CYP19A1: variants seen among roughly 807,000 people sequenced by gnomAD.
The protein encoded by CYP19A1 is aromatase.
Under a neutral mutation model 44.4 loss-of-function variants are expected in CYP19A1, and 32 were observed. The ratio of observed to expected loss-of-function variants is 0.72; its 90% CI spans 0.54 to 0.97. CYP19A1 has a LOEUF of 0.97. Among genes scored for constraint, CYP19A1 ranks in the 50% least tolerant of loss-of-function variants. The pLI is 0.00. For synonymous variants in CYP19A1, 212 were observed against 215.6 expected (o/e 0.98, Z 0.14); for missense variants, 598 against 637.8 (o/e 0.94, Z 0.67).
intron 1 of CYP19A1, chr15:51,312,254 A>G (rs1004187256): frequency 6.6e-6 from 1 of 152,238 alleles, no homozygotes; most frequent in Non-Finnish European, 1.5e-5. Flanking sequence ...CATGTTTTCC[A>G]GATGCTAAGG....
chr15:51,242,774 T>C lies in CYP19A1; in HGVS notation c.139A>G (p.Ile47Val). The change falls in exon 2 of 10, where the codon ATA (isoleucine) becomes GTA (valine). Residue 47 changes from isoleucine (I) to valine (V), a missense_variant. Transcript: ENST00000396402. ...LVWNYEGTSS[I>V]PGPGYCMGIG... ...AAATAAATGACTGACTTACCTGGTA[T>C]TGAGGATGTGCCCTCATAATTCCAC... is the stretch of plus-strand genomic sequence containing the variant. 6 of 1,553,442 alleles carry C rather than the reference T, an allele frequency of 3.9e-6. No homozygotes were observed. Among genetic ancestry groups the C allele is most frequent in the Non-Finnish European group, 5.3e-6 (6 of 1,124,752 alleles).
At chr15:51,250,137 G>A (rs975888360) in intron 1 of CYP19A1, among the ~76,000 whole-genome samples, 1 of 152,218 alleles carries the variant, frequency 6.6e-6, no homozygotes, top group Non-Finnish European at 1.5e-5. Flanking sequence ...GCACCAATGG[G>A]AGACCTCAGC....
intron 5 of CYP19A1, 110 bp from the exon 6 acceptor site, chr15:51,218,765 T>C: frequency 6.6e-7 from 1 of 1,524,940 alleles, no homozygotes; most frequent in Non-Finnish European, 8.8e-7. Context: ...CCTAACAGTC[T>C]GGGGGTTCTA....
At chr15:51,248,849 C>A (rs576177223) in intron 1 of CYP19A1, among the ~76,000 whole-genome samples, 1 of 152,100 alleles carries the variant, frequency 6.6e-6, no homozygotes, top group Non-Finnish European at 1.5e-5. Context: ...GCCAGATTTG[C>A]TTTTTGACTC....
intron 5 of CYP19A1, among the ~76,000 whole-genome samples, chr15:51,218,882 C>T (rs1168620074): frequency 6.6e-6 from 1 of 152,196 alleles, no homozygotes; most frequent in Non-Finnish European, 1.5e-5. Context: ...CCTACTTAAC[C>T]AGTGAGTTGC....
chr15:51,319,860 G>A (rs1304608872), intron 1 of CYP19A1, among the ~76,000 whole-genome samples: 1 of 152,164 alleles, frequency 6.6e-6, no homozygotes, highest in African/African-American at 2.4e-5. Context: ...CAGGTCATTT[G>A]TATTCTCTGA....
At chr15:51,306,594 A>G (rs1290350851) in intron 1 of CYP19A1, among the ~76,000 whole-genome samples, 1 of 152,240 alleles carries the variant, frequency 6.6e-6, no homozygotes, top group Non-Finnish European at 1.5e-5. Flanking sequence ...CCCCACTGGA[A>G]ACATTTTTAA....
intron 3 of CYP19A1, among the ~76,000 whole-genome samples, chr15:51,231,624 C>T (rs778213116): frequency 1.1e-4 from 16 of 151,528 alleles, no homozygotes; most frequent in Middle Eastern, 6.8e-3. Context: ...ACCACACATG[C>T]GCACACATGT....
At chr15:51,278,230 C>T (rs1339992568) in intron 1 of CYP19A1, 1 of 152,060 alleles carries the variant, frequency 6.6e-6, no homozygotes, top group Non-Finnish European at 1.5e-5. Context: ...CAAATTTTGT[C>T]ATTTCAGCTC....
intron 1 of CYP19A1, among the ~76,000 whole-genome samples, chr15:51,313,386 A>G (rs1396935507): frequency 6.6e-6 from 1 of 152,134 alleles, no homozygotes; most frequent in Admixed American, 6.5e-5. Flanking sequence ...CTGGGGCCAT[A>G]GGCCTGAACC....
chr15:51,328,252 T>A (rs1265873784), intron 1 of CYP19A1, among the ~76,000 whole-genome samples: 1 of 152,186 alleles, frequency 6.6e-6, no homozygotes, highest in Non-Finnish European at 1.5e-5. Flanking sequence ...ATCCTGTGTG[T>A]TTATATATAA....
At chr15:51,244,930 G>C (rs10851499) in intron 1 of CYP19A1, among the ~76,000 whole-genome samples, 75,070 of 151,986 alleles carry the variant, frequency 0.49, 19,185 homozygotes, top group Non-Finnish European at 0.57. Flanking sequence ...TAAAAAACCT[G>C]TTAGTAAGTT....
intron 1 of CYP19A1, among the ~76,000 whole-genome samples, chr15:51,262,721 A>C (rs1278251284): frequency 2.6e-5 from 4 of 152,230 alleles, no homozygotes; most frequent in Non-Finnish European, 5.9e-5. Context: ...ATATAGTTGC[A>C]CACTTAAATT....
At chr15:51,297,832 A>ACACACG (rs1387644948) in intron 1 of CYP19A1, among the ~76,000 whole-genome samples, 7 of 144,674 alleles carry the variant, frequency 4.8e-5, no homozygotes, top group African/African-American at 1.8e-4. Flanking sequence ...ACACACACAC[A>ACACACG]CACACACACA....
chr15:51,303,965 A>T (rs2036164414), intron 1 of CYP19A1, among the ~76,000 whole-genome samples: 1 of 152,172 alleles, frequency 6.6e-6, no homozygotes, highest in Non-Finnish European at 1.5e-5. Flanking sequence ...TCAAATGCAG[A>T]GAGGAGGGCA....
intron 3 of CYP19A1, among the ~76,000 whole-genome samples, chr15:51,230,976 T>G (rs950280221): frequency 1.3e-5 from 2 of 151,982 alleles, no homozygotes; most frequent in African/African-American, 4.8e-5. Context: ...ATCAATCCTA[T>G]CACCTTTTCA....
chr15:51,266,482 T>G (rs1595737590), intron 1 of CYP19A1, among the ~76,000 whole-genome samples: 2 of 152,318 alleles, frequency 1.3e-5, no homozygotes, highest in East Asian at 3.9e-4. Context: ...TCCCTCCTCA[T>G]CTAGACGAAG....
chr15:51,225,828 G>A (rs567055147), intron 4 of CYP19A1, among the ~76,000 whole-genome samples: 2 of 152,168 alleles, frequency 1.3e-5, no homozygotes, highest in East Asian at 1.9e-4. Context: ...ATAGGCTGAC[G>A]TCTGTGATCC....
chr15:51,261,027 C>A (rs1272665583), intron 1 of CYP19A1, among the ~76,000 whole-genome samples: 1 of 152,196 alleles, frequency 6.6e-6, no homozygotes, highest in Non-Finnish European at 1.5e-5. Flanking sequence ...CTCTCCGGAT[C>A]CAGCAGGGTG....
Sources: allele counts gnomAD v4.1 joint callset (sites outside exome capture counted in the v4.1 genomes callset), GRCh38; gene constraint gnomAD v4.1.1; transcripts MANE v1.5; gene names NCBI Gene and HGNC (gene_info 2026-07-23, HGNC 2026-07-21).